The following LINGO2 variants were observed in gnomAD, a reference collection of about 807,000 sequenced individuals.
LINGO2 encodes the protein leucine rich repeat and Ig domain containing 2.
LINGO2 carries 14 observed loss-of-function variants against 30.6 expected under a neutral mutation model. The ratio of observed to expected loss-of-function variants is 0.46; its 90% confidence interval spans 0.30 to 0.72. The LOEUF is 0.72. LINGO2 is among the 30% of genes least tolerant of loss of function. The probability of loss-of-function intolerance (pLI) is 0.07; values close to 1 mark genes in which losing one functional copy is unlikely to be tolerated. For missense variants in LINGO2, 729 were observed against 751.7 expected, an observed-to-expected ratio of 0.97 and a Z score of 0.35; for synonymous variants, 317 against 288.5, an observed-to-expected ratio of 1.10 and a Z score of -1.00.
intron 2 of LINGO2, among the ~76,000 whole-genome samples, chr9:28,455,712 C>A (rs1824819642): frequency 6.6e-6 from 1 of 152,142 alleles, no homozygotes; most frequent in Non-Finnish European, 1.5e-5. Flanking sequence ...TTCTACTATT[C>A]ATAAGGACAG....
chr9:28,055,605 C>A (rs10511820), intron 4 of LINGO2, among the ~76,000 whole-genome samples: 103,990 of 151,834 alleles, frequency 0.68, 35,896 homozygotes, highest in South Asian at 0.81. Flanking sequence ...AAAATGTTTT[C>A]TCTCTATCAT....
the LINGO2 span, among the ~76,000 whole-genome samples, chr9:28,838,736 G>C: frequency 6.6e-6 from 1 of 152,190 alleles, no homozygotes; most frequent in Non-Finnish European, 1.5e-5. Context: ...TGGCGCCTTT[G>C]CCTGAGTTTT....
At chr9:27,994,099 G>A (rs148954241) in intron 5 of LINGO2, among the ~76,000 whole-genome samples, 52 of 152,020 alleles carry the variant, frequency 3.4e-4, no homozygotes, top group East Asian at 3.1e-3. Flanking sequence ...AATTTCTTGA[G>A]ACACATTAAA....
chr9:28,445,000 C>T (rs1250061488), intron 2 of LINGO2, among the ~76,000 whole-genome samples: 5 of 152,048 alleles, frequency 3.3e-5, no homozygotes. Flanking sequence ...GAAGTGACAC[C>T]CCAAGGATCC....
intron 3 of LINGO2, among the ~76,000 whole-genome samples, chr9:28,357,538 T>A (rs1399511942): frequency 6.6e-6 from 1 of 152,082 alleles, no homozygotes; most frequent in Non-Finnish European, 1.5e-5. Context: ...AAGTGAGACA[T>A]ATCTTTGATT....
intron 4 of LINGO2, among the ~76,000 whole-genome samples, chr9:28,068,923 G>A (rs997467783): frequency 2.0e-5 from 3 of 152,072 alleles, no homozygotes; most frequent in Non-Finnish European, 4.4e-5. Context: ...ATACAGCAGT[G>A]AACAAAACAC....
chr9:28,536,844 T>C (rs958151025), intron 1 of LINGO2, among the ~76,000 whole-genome samples: 22 of 152,050 alleles, frequency 1.4e-4, no homozygotes, highest in African/African-American at 5.1e-4. Flanking sequence ...CTCCTACCAA[T>C]AGTGTCTCTG....
intron 3 of LINGO2, among the ~76,000 whole-genome samples, chr9:28,300,984 C>T (rs933131793): frequency 4.7e-4 from 72 of 151,952 alleles, no homozygotes; most frequent in Admixed American, 1.3e-3. Context: ...ATATAATTAT[C>T]ATTAGGCAGT....
chr9:29,030,268 A>G, the LINGO2 span, among the ~76,000 whole-genome samples: 1 of 140,492 alleles, frequency 7.1e-6, no homozygotes, highest in South Asian at 2.3e-4. Context: ...ATGCCTCTCC[A>G]CTGAAACACT....
At chr9:28,844,353 C>T in the LINGO2 span, among the ~76,000 whole-genome samples, 4 of 151,754 alleles carry the variant, frequency 2.6e-5, no homozygotes, top group Non-Finnish European at 5.9e-5. Context: ...CAGAATGAGA[C>T]TCTGTCTCAT....
the LINGO2 span, among the ~76,000 whole-genome samples, chr9:28,913,368 A>G: frequency 6.6e-6 from 1 of 152,122 alleles, no homozygotes; most frequent in East Asian, 1.9e-4. Flanking sequence ...CTAAGGCAAA[A>G]GCAAGGTTTC....
At chr9:28,205,143 G>A (rs1820366534) in intron 4 of LINGO2, among the ~76,000 whole-genome samples, 1 of 152,162 alleles carries the variant, frequency 6.6e-6, no homozygotes, top group Non-Finnish European at 1.5e-5. Flanking sequence ...TACCCTCTAG[G>A]AGTATATATC....
In LINGO2 at chr9:28,247,674, A is replaced by G. The variant is rs919272722; in HGVS notation, c.-87+47534T>C. Among the ~76,000 whole-genome samples, 15 of 152,300 alleles carry G rather than the reference A, an allele frequency of 9.8e-5. No individual in the cohort carries two copies. In the East Asian group the frequency reaches 2.7e-3, roughly 27 times the overall value. The stretch of plus-strand genomic sequence containing the variant: ...GGTTTAAAACCTAGGTGATGGGTTG[A>G]TAGGTGTAACAAAGTACCATGGCAC... On this transcript the variant is annotated intron_variant, in intron 4 of 5. Coordinates refer to ENST00000379992, the Ensembl canonical transcript of LINGO2.
intron 1 of LINGO2, among the ~76,000 whole-genome samples, chr9:28,534,775 T>A (rs943229165): frequency 6.6e-6 from 1 of 152,152 alleles, no homozygotes; most frequent in African/African-American, 2.4e-5. Flanking sequence ...CAGAAAAATA[T>A]CTGTTTACAC....
intron 4 of LINGO2, among the ~76,000 whole-genome samples, chr9:28,196,711 C>T (rs1820025912): frequency 6.6e-6 from 1 of 151,730 alleles, no homozygotes; most frequent in African/African-American, 2.4e-5. Flanking sequence ...AATAAAAATA[C>T]CCAAAGATTA....
intron 1 of LINGO2, among the ~76,000 whole-genome samples, chr9:28,604,103 T>C (rs1825605237): frequency 6.6e-6 from 1 of 152,030 alleles, no homozygotes; most frequent in South Asian, 2.1e-4. Flanking sequence ...TATATATGCC[T>C]TAATTCCAGG....
intron 4 of LINGO2, among the ~76,000 whole-genome samples, chr9:28,215,526 T>A (rs1392202840): frequency 1.3e-5 from 2 of 151,894 alleles, no homozygotes; most frequent in Non-Finnish European, 2.9e-5. Flanking sequence ...AAATCACATT[T>A]TTTGAGCTGG....
At chr9:28,356,218 T>C (rs1199036344) in intron 3 of LINGO2, among the ~76,000 whole-genome samples, 1 of 152,252 alleles carries the variant, frequency 6.6e-6, no homozygotes, top group South Asian at 2.1e-4. Flanking sequence ...ACATTACAGA[T>C]GTAGAGATTT....
chr9:28,974,235 T>C, the LINGO2 span, among the ~76,000 whole-genome samples: 1 of 151,906 alleles, frequency 6.6e-6, no homozygotes, highest in Non-Finnish European at 1.5e-5. Context: ...TGAAACCCCA[T>C]CTCTACCAAA....
Sources: gnomAD v4.1 joint callset for allele counts (sites outside exome capture counted in the v4.1 genomes callset) on GRCh38, gnomAD v4.1.1 for gene constraint, MANE v1.5 for transcripts, NCBI Gene and HGNC (gene_info 2026-07-23, HGNC 2026-07-21) for gene names.